TOMM20L: variants seen among roughly 807,000 people sequenced by gnomAD.
The protein encoded by TOMM20L is TOMM20-like protein 1.
In TOMM20L, 19 loss-of-function variants were observed where a neutral mutation model predicts 20.4. The ratio of observed to expected loss-of-function variants is 0.93; its 90% CI spans 0.65 to 1.36. The LOEUF (loss-of-function observed/expected upper bound fraction) is 1.36. TOMM20L is among the 40% of genes most tolerant of loss of function. The pLI is 0.00. For synonymous variants in TOMM20L, 75 were observed against 79.6 expected (o/e 0.94, Z 0.30); for missense variants, 218 against 203.7 (o/e 1.07, Z -0.43).
At chr14:58,397,114 G>C (rs2035936829) in intron 2 of TOMM20L, among the ~76,000 whole-genome samples, 1 of 152,210 alleles carries the variant, frequency 6.6e-6, no homozygotes, top group African/African-American at 2.4e-5. Flanking sequence ...GGCTGAACTA[G>C]AACTCCTGGC....
chr14:58,408,526 C>T lies in TOMM20L; in HGVS notation c.406-3C>T, dbSNP rs1388538337. On this transcript the variant is annotated splice_polypyrimidine_tract_variant and splice_region_variant and intron_variant, in intron 4 of 4. Transcript: ENST00000360945. ...GCAAGTAACTATTTTATGTATTCACCAGCAATTTGAGGCAGACATGAATGA... is the reference window on the plus strand; with the variant it reads ...GCAAGTAACTATTTTATGTATTCACTAGCAATTTGAGGCAGACATGAATGA... The T allele has an allele frequency of 6.2e-7, 1 of 1,613,234 alleles. No individual in the cohort carries two copies. Among genetic ancestry groups the T allele is most frequent in the African/African-American group, 1.3e-5 (1 of 74,946 alleles).
At chr14:58,405,290 T>C (rs945623478) in intron 3 of TOMM20L, among the ~76,000 whole-genome samples, 1 of 152,164 alleles carries the variant, frequency 6.6e-6, no homozygotes, top group African/African-American at 2.4e-5. Context: ...TTTGTACTCA[T>C]AATTTTATAT....
rs1326888299 is a variant in TOMM20L at position 58,404,364 on chromosome 14, C to T, written c.262+1603C>T. ...CGGGATGGTCTCGATCTCCTGACCTCGTGATCCGCCCGCCTCGGCCTCCCA... is the reference window on the plus strand; with the variant it reads ...CGGGATGGTCTCGATCTCCTGACCTTGTGATCCGCCCGCCTCGGCCTCCCA... On this transcript the variant is annotated intron_variant, in intron 3 of 4. Transcript: ENST00000360945. Among the ~76,000 whole-genome samples, 3 of 149,826 alleles carry T rather than the reference C, an allele frequency of 2.0e-5. No individual in the cohort carries two copies. The East Asian group carries it at 5.9e-4, about 30-fold the overall frequency.
At chr14:58,396,460 G>A in intron 2 of TOMM20L, 119 bp downstream of exon 2, 1 of 1,104,812 alleles carries the variant, frequency 9.1e-7, no homozygotes, top group Non-Finnish European at 1.3e-6. Context: ...CCCGTGCCCG[G>A]GAAGAGGCCT....
chr14:58,407,005 G>C (rs1243929216), intron 3 of TOMM20L, among the ~76,000 whole-genome samples: 1 of 152,048 alleles, frequency 6.6e-6, no homozygotes, highest in African/African-American at 2.4e-5. Context: ...AATAAAAGCA[G>C]ACAACTGCTT....
chr14:58,399,913 T>TATATATGC (rs2035972563), intron 2 of TOMM20L, among the ~76,000 whole-genome samples: 1 of 137,446 alleles, frequency 7.3e-6, no homozygotes, highest in Non-Finnish European at 1.6e-5. Flanking sequence ...TATATATATA[T>TATATATGC]ATATATATAT....
At chr14:58,409,312 C>G, downstream of TOMM20L, 1 of 877,062 alleles carries the variant, frequency 1.1e-6, no homozygotes, top group East Asian at 2.8e-5. Flanking sequence ...CAGCAACTGA[C>G]CATAGCTTTT....
At chr14:58,403,198 A>C (rs2036012820) in intron 3 of TOMM20L, among the ~76,000 whole-genome samples, 1 of 152,144 alleles carries the variant, frequency 6.6e-6, no homozygotes, top group South Asian at 2.1e-4. Context: ...CTCTACAAAA[A>C]ACTTTAAAAA....
chr14:58,414,002 G>A, the TOMM20L span, among the ~76,000 whole-genome samples: 1 of 29,624 alleles, frequency 3.4e-5, no homozygotes, highest in Admixed American at 8.8e-4. Context: ...GTGAGATTCC[G>A]TCTCAGAAAA....
At chr14:58,415,998 T>C in the TOMM20L span, among the ~76,000 whole-genome samples, 1 of 151,588 alleles carries the variant, frequency 6.6e-6, no homozygotes, top group Non-Finnish European at 1.5e-5. Context: ...GGTGGGTCGA[T>C]TGAGGTCAGG....
At chr14:58,397,053 A>T (rs761987212) in intron 2 of TOMM20L, among the ~76,000 whole-genome samples, 1 of 152,220 alleles carries the variant, frequency 6.6e-6, no homozygotes, top group African/African-American at 2.4e-5. Context: ...CGACAGAGCA[A>T]GACACTGTCT....
intron 3 of TOMM20L, among the ~76,000 whole-genome samples, chr14:58,406,971 T>A (rs1467558758): frequency 6.6e-6 from 1 of 152,194 alleles, no homozygotes; most frequent in Non-Finnish European, 1.5e-5. Context: ...CAATCACACA[T>A]GTAAAGATAA....
chr14:58,402,892 C>T, intron 3 of TOMM20L, 131 bp downstream of exon 3: 1 of 669,182 alleles, frequency 1.5e-6, no homozygotes, highest in Non-Finnish European at 2.6e-6. Context: ...AAAACTATCC[C>T]AGCATGTTCA....
At chr14:58,415,295 G>C in the TOMM20L span, among the ~76,000 whole-genome samples, 1 of 152,086 alleles carries the variant, frequency 6.6e-6, no homozygotes, top group Non-Finnish European at 1.5e-5. Context: ...TGATATGCAA[G>C]ATGTCCAGGC....
At position 58,408,640 on chromosome 14, in the gene TOMM20L, A is replaced by T; in HGVS notation, c.*58A>T. ...AATACTATGGTACCATACAGTATAA[A>T]CAACTGCTCAGTGATATTTCCATTT... On this transcript the variant is annotated 3_prime_UTR_variant, in exon 5 of 5. Transcript: ENST00000360945. The T allele has an allele frequency of 6.7e-7, 1 of 1,482,904 alleles. No individual in the cohort carries two copies. Among genetic ancestry groups the T allele is most frequent in the Non-Finnish European group, 9.2e-7 (1 of 1,084,902 alleles). The allele number at this position is 1,482,904 out of a possible 1,614,324, so 91.9% of individuals were successfully genotyped here.
chr14:58,410,164 C>T (rs529739976), downstream of TOMM20L, among the ~76,000 whole-genome samples: 8 of 152,112 alleles, frequency 5.3e-5, no homozygotes, highest in South Asian at 1.2e-3. Context: ...CTCTGCCTCC[C>T]GGGCTCAGGT....
chr14:58,413,359 A>G (rs2140318731), downstream of TOMM20L, among the ~76,000 whole-genome samples: 1 of 152,376 alleles, frequency 6.6e-6, no homozygotes, highest in East Asian at 1.9e-4. Context: ...TTCTATTAAT[A>G]GTTAACAAAC....
intron 3 of TOMM20L, 120 bp from the exon 4 acceptor site, chr14:58,407,206 C>T: frequency 2.2e-6 from 2 of 901,370 alleles, no homozygotes; most frequent in South Asian, 3.5e-5. Context: ...CAAGACTTGT[C>T]TAAGTAGTCT....
At chr14:58,414,844 A>G in the TOMM20L span, among the ~76,000 whole-genome samples, 1 of 152,054 alleles carries the variant, frequency 6.6e-6, no homozygotes, top group African/African-American at 2.4e-5. Flanking sequence ...CCCACTCCCC[A>G]GCGAGTGTCA....
Sources: allele counts gnomAD v4.1 joint callset (sites outside exome capture counted in the v4.1 genomes callset), GRCh38; gene constraint gnomAD v4.1.1; transcripts MANE v1.5; gene names NCBI Gene and HGNC (gene_info 2026-07-23, HGNC 2026-07-21).